Variants in CDHR1 observed in about 807,000 individuals in gnomAD.
The protein encoded by CDHR1 is cadherin-related family member 1.
In CDHR1, 61 loss-of-function variants were observed where a neutral mutation model predicts 72.1. That is an observed-to-expected ratio of 0.85 (90% confidence interval 0.69 to 1.05). The LOEUF (loss-of-function observed/expected upper bound fraction) is 1.05. Ranked by LOEUF, CDHR1 falls within the 50% of genes least tolerant of loss-of-function variation. The pLI is 0.00. For missense variants in CDHR1, 1,186 were observed against 1,115.7 expected (o/e 1.06, Z -0.90); for synonymous variants, 470 against 448.1 (o/e 1.05, Z -0.62).
At chr10:84,201,268 C>T (rs1193282045) in intron 6 of CDHR1, among the ~76,000 whole-genome samples, 7 of 152,200 alleles carry the variant, frequency 4.6e-5, no homozygotes, top group African/African-American at 1.4e-4. Context: ...CTGGCACAAG[C>T]GCCTGACACT....
At chr10:84,210,594 A>G (rs190016936) in intron 12 of CDHR1, among the ~76,000 whole-genome samples, 1 of 152,044 alleles carries the variant, frequency 6.6e-6, no homozygotes, top group East Asian at 1.9e-4. Flanking sequence ...TTATTTTTTT[A>G]AAAAAAGAAT....
intron 3 of CDHR1, 26 bp from the exon 4 acceptor site, chr10:84,197,760 A>G (rs199864430): frequency 1.6e-4 from 258 of 1,611,208 alleles, no homozygotes; most frequent in Non-Finnish European, 1.6e-4. Context: ...ACTCCTGGAC[A>G]CTCACTCAGT....
intron 3 of CDHR1, 34 bp from the exon 4 acceptor site, chr10:84,197,752 T>G: frequency 6.2e-7 from 1 of 1,605,324 alleles, no homozygotes; most frequent in South Asian, 1.1e-5. Flanking sequence ...CGTGTCAGAC[T>G]CCTGGACACT....
chr10:84,196,933 C>T (rs779063680), intron 3 of CDHR1, among the ~76,000 whole-genome samples: 2 of 152,142 alleles, frequency 1.3e-5, no homozygotes, highest in African/African-American at 2.4e-5. Flanking sequence ...AAAATAAATC[C>T]GTTTGCACTT....
In CDHR1 at chr10:84,218,256, C is replaced by A; in HGVS notation, c.*3635C>A. 3.0e-6 allele frequency: 3 copies of A among 985,408 alleles called. No homozygotes were observed. Among genetic ancestry groups the A allele is most frequent in the Non-Finnish European group, 3.6e-6 (3 of 829,918 alleles). 61.0% of individuals were successfully genotyped at this position (985,408 alleles called of 1,614,324 possible). A position where few individuals can be genotyped will look rare whatever the true frequency, so the allele number is the denominator to read the frequency against. ...AGGGGTTCTCTGAAGGGCCTAGTTT[C>A]CAGAATGAGGCGGTCATGGCTTAAG... On this transcript the variant is annotated 3_prime_UTR_variant, in exon 17 of 17. Transcript: ENST00000623527.
At position 84,201,835 on chromosome 10, in the gene CDHR1, G is replaced by C; in HGVS notation, c.554G>C (p.Arg185Pro). The change falls in exon 7 of 17, where the codon CGC becomes CCC. Residue 185 changes from arginine to proline, a missense_variant. Transcript: ENST00000623527. ...CTGCACTCCCCATTTGCCGTGGACC[G>C]CCACAGCGGTGTGCTGCGCCTCCAG... is the stretch of plus-strand genomic sequence containing the variant. ...QNLHSPFAVD[R>P]HSGVLRLQAG... The C allele has an allele frequency of 6.2e-7, 1 of 1,610,314 alleles. No individual in the cohort carries two copies. Among genetic ancestry groups the C allele is most frequent in the Non-Finnish European group, 8.5e-7 (1 of 1,179,998 alleles).
At chr10:84,219,059 A>C, downstream of CDHR1, 1 of 839,060 alleles carries the variant, frequency 1.2e-6, no homozygotes, top group Middle Eastern at 2.3e-4. Context: ...CTAATGTACT[A>C]TTATTATTCT....
intron 13 of CDHR1, among the ~76,000 whole-genome samples, 174 bp downstream of exon 13, chr10:84,211,339 A>G (rs113816790): frequency 1.3e-5 from 2 of 152,206 alleles, no homozygotes; most frequent in Admixed American, 1.3e-4. Flanking sequence ...GGGTATTACA[A>G]CACCTCACAG....
At chr10:84,211,512 T>C in intron 13 of CDHR1, 136 bp from the exon 14 acceptor site, 1 of 787,192 alleles carries the variant, frequency 1.3e-6, no homozygotes, top group Non-Finnish European at 2.2e-6. Context: ...CGGGCAGGTC[T>C]CTCCACCAAT....
chr10:84,214,529 A>G lies in CDHR1; in HGVS notation c.2488A>G (p.Lys830Glu). 1.9e-6 allele frequency: 3 copies of G among 1,603,522 alleles called. No homozygotes were observed. Among genetic ancestry groups the G allele is most frequent in the Non-Finnish European group, 2.5e-6 (3 of 1,179,836 alleles). The change falls in exon 17 of 17, where the codon AAA (lysine) becomes GAA (glutamate). Residue 830 changes from lysine to glutamate, a missense_variant. Lys to Glu is a moderately conservative substitution (Grantham distance 56, BLOSUM62 1). Transcript: ENST00000623527. ...GCCGACCCAACCCCCGCCAAAACCC[A>G]AAACTATGGGAAGCCCCGTCCAGTC... Reference protein sequence around the residue: ...PQPTQPPPKPKTMGSPVQSTL... With the variant: ...PQPTQPPPKPETMGSPVQSTL...
At chr10:84,209,433 T>G (rs901232695) in intron 12 of CDHR1, among the ~76,000 whole-genome samples, 1 of 152,132 alleles carries the variant, frequency 6.6e-6, no homozygotes, top group East Asian at 1.9e-4. Context: ...TGCTTAAAAG[T>G]GAAATACTAT....
intron 3 of CDHR1, 56 bp from the exon 4 acceptor site, chr10:84,197,730 G>C (rs1842053162): frequency 1.3e-6 from 2 of 1,528,514 alleles, no homozygotes. Flanking sequence ...TCCAGCCACA[G>C]GGGTCCTATG....
chr10:84,208,450 TG>T, intron 11 of CDHR1, 73 bp downstream of exon 11: 1 of 1,467,074 alleles, frequency 6.8e-7, no homozygotes, highest in Non-Finnish European at 9.5e-7. Flanking sequence ...TAAGTGGGTC[TG>T]CATCAACCTG....
In CDHR1 at chr10:84,212,260, C is replaced by A. The variant is rs1842346417; in HGVS notation, c.1635C>A (p.Asn545Lys). Residue 545 changes from asparagine (N) to lysine (K), a missense_variant, in exon 15 of 17, where the codon AAC (asparagine) becomes AAA (lysine). Coordinates refer to ENST00000623527, the MANE Select transcript of CDHR1 (RefSeq NM_033100.4). ...SLDAEATARY[N>K]FYVKAEDMEG... ...ACGCTGAGGCCACTGCCAGGTACAA[C>A]TTCTATGTGAAGGCAGAGGACATGG... The A allele has an allele frequency of 1.9e-6, 3 of 1,614,264 alleles. No homozygotes were observed. In the East Asian group the frequency reaches 6.7e-5, roughly 36 times the overall value.
chr10:84,204,381 G>C (rs1301881942), intron 8 of CDHR1, 146 bp from the exon 9 acceptor site: 4 of 675,194 alleles, frequency 5.9e-6, no homozygotes, highest in Non-Finnish European at 1.1e-5. Context: ...CTGCAGAGGA[G>C]AGTAGGGCCA....
chr10:84,207,718 T>A (rs988519065), intron 10 of CDHR1, among the ~76,000 whole-genome samples: 1 of 152,326 alleles, frequency 6.6e-6, no homozygotes, highest in African/African-American at 2.4e-5. Context: ...CAGGCTCAGC[T>A]TGGCTGGGTC....
intron 8 of CDHR1, 25 bp downstream of exon 8, chr10:84,203,148 G>A: frequency 6.2e-7 from 1 of 1,613,986 alleles, no homozygotes; most frequent in East Asian, 2.2e-5. Flanking sequence ...CCCTCAGCCA[G>A]CGATCCCTCC....
In CDHR1 at chr10:84,214,929, G is replaced by C; in HGVS notation, c.*308G>C. On this transcript the variant is annotated 3_prime_UTR_variant, in exon 17 of 17. Transcript: ENST00000623527. ...ATTCTTCAGGGCTGAGAATTGACGA[G>C]AAGCCAGCTCACCCATCCCAGACCT... 7.6e-7 allele frequency: 1 copy of C among 1,307,372 alleles called. No homozygotes were observed. Among genetic ancestry groups the C allele is most frequent in the Non-Finnish European group, 9.8e-7 (1 of 1,021,114 alleles). 81.0% of individuals were successfully genotyped at this position (1,307,372 alleles called of 1,614,324 possible). A position where few individuals can be genotyped will look rare whatever the true frequency, so the allele number is the denominator to read the frequency against.
At chr10:84,204,390 C>T (rs1355493368) in intron 8 of CDHR1, 137 bp from the exon 9 acceptor site, 2 of 697,996 alleles carry the variant, frequency 2.9e-6, no homozygotes, top group Non-Finnish European at 5.3e-6. Context: ...AGAGTAGGGC[C>T]ATGCTCCACC....
Sources: allele counts gnomAD v4.1 joint callset (sites outside exome capture counted in the v4.1 genomes callset), GRCh38; gene constraint gnomAD v4.1.1; transcripts MANE v1.5; gene names NCBI Gene and HGNC (gene_info 2026-07-23, HGNC 2026-07-21).